Variants in TMEM135 observed in about 807,000 individuals in gnomAD.
TMEM135 encodes the protein peroxisomal membrane protein 52.
Under a neutral mutation model 60.3 loss-of-function variants are expected in TMEM135, and 30 were observed. The ratio of observed to expected loss-of-function variants is 0.50; its 90% CI spans 0.37 to 0.68. TMEM135 has a LOEUF of 0.68. TMEM135 is among the 30% of genes least tolerant of loss of function. The pLI is 0.00. For missense variants in TMEM135, 468 were observed against 548.8 expected (o/e 0.85, Z 1.47); for synonymous variants, 190 against 186.7 (o/e 1.02, Z -0.14).
chr11:87,171,003 G>A (rs1001148333), intron 5 of TMEM135, among the ~76,000 whole-genome samples: 2 of 152,088 alleles, frequency 1.3e-5, no homozygotes, highest in African/African-American at 2.4e-5. Context: ...AGCAAAGGGG[G>A]TACATCTTCA....
chr11:87,202,844 A>G (rs1341931637), intron 5 of TMEM135, among the ~76,000 whole-genome samples: 1 of 151,492 alleles, frequency 6.6e-6, no homozygotes, highest in Non-Finnish European at 1.5e-5. Flanking sequence ...CATCCTGGCT[A>G]ACACGGTGAA....
intron 5 of TMEM135, among the ~76,000 whole-genome samples, chr11:87,194,693 A>G (rs950073093): frequency 6.6e-6 from 1 of 152,118 alleles, no homozygotes; most frequent in African/African-American, 2.4e-5. Flanking sequence ...GTTGCTCTTC[A>G]TATTCTCTGT....
At position 87,318,195 on chromosome 11, in the gene TMEM135, C is replaced by T; in HGVS notation, c.1136C>T (p.Thr379Ile). 1 of 1,612,746 alleles carries T rather than the reference C, an allele frequency of 6.2e-7. No individual in the cohort carries two copies. Among genetic ancestry groups the T allele is most frequent in the South Asian group, 1.1e-5 (1 of 91,082 alleles). ...GKVPYFPHAD[T>I]IIYSISTAIC... The stretch of plus-strand genomic sequence containing the variant: ...GTTCCCTATTTTCCTCATGCAGATA[C>T]TATCATCTATTCCATCTCTACAGCA... The change falls in exon 13 of 15, where the codon ACT becomes ATT. Residue 379 changes from threonine (T) to isoleucine (I), a missense_variant. Physicochemically the swap from Thr to Ile is moderately conservative, Grantham distance 89. Transcript: ENST00000305494.
intron 3 of TMEM135, among the ~76,000 whole-genome samples, chr11:87,082,781 A>G (rs1857018265): frequency 6.6e-6 from 1 of 152,232 alleles, no homozygotes; most frequent in Admixed American, 6.5e-5. Flanking sequence ...TACGAGAAAG[A>G]GTAGAAGAAA....
Position 87,326,717 on chromosome 11 carries a change from A to G in TMEM135, c.*5384A>G, listed in dbSNP as rs1015714744. 2.9e-5 allele frequency: 13 copies of G among 447,622 alleles called. No homozygotes were observed. Among genetic ancestry groups the G allele is most frequent in the African/African-American group, 1.4e-4 (7 of 49,316 alleles). The allele number at this position is 447,622 out of a possible 1,614,324, so 27.7% of individuals were successfully genotyped here. A position where few individuals can be genotyped will look rare whatever the true frequency, so the allele number is the denominator to read the frequency against. On this transcript the variant is annotated 3_prime_UTR_variant, in exon 15 of 15. Coordinates refer to ENST00000305494, the MANE Select transcript of TMEM135 (RefSeq NM_022918.4). ...AAAAAACAGGAGTCCTTATTTTTCTATTTATTTCAGGGAAAATTGAAGGTA... is the reference window on the plus strand; with the variant it reads ...AAAAAACAGGAGTCCTTATTTTTCTGTTTATTTCAGGGAAAATTGAAGGTA...
chr11:87,169,468 C>T (rs1939167340), intron 5 of TMEM135, among the ~76,000 whole-genome samples: 1 of 151,660 alleles, frequency 6.6e-6, no homozygotes. Context: ...TTTAGTGCTT[C>T]CTTCAGGAGC....
rs1302751118 is a variant in TMEM135, at chr11:87,037,967, G to C, written c.-79G>C. The C allele has an allele frequency of 3.1e-6, 5 of 1,599,222 alleles. No individual in the cohort carries two copies. The highest frequency in any genetic ancestry group is 4.3e-6 in the Non-Finnish European group (5 of 1,174,440). On this transcript the variant is annotated 5_prime_UTR_variant, in exon 1 of 15. Transcript: ENST00000305494. ...CCTCCGAGTGCTGGCCGGGCGAGAG[G>C]CTGGCGGCTGGGCTCTCGCGCCCCT...
intron 6 of TMEM135, among the ~76,000 whole-genome samples, chr11:87,283,400 T>C (rs1195119177): frequency 6.6e-6 from 1 of 152,116 alleles, no homozygotes; most frequent in Non-Finnish European, 1.5e-5. Context: ...TTGTTTTTGC[T>C]CCATTACTAG....
In TMEM135 at chr11:87,038,193, C is replaced by A; in HGVS notation, c.141+7C>A. 1 of 1,614,034 alleles carries A rather than the reference C, an allele frequency of 6.2e-7. No individual in the cohort carries two copies. Among genetic ancestry groups the A allele is most frequent in the East Asian group, 2.2e-5 (1 of 44,832 alleles). ...CTATGCTCCTCTGTACTTGGTGAGA[C>A]CCGTCACCCGTCCCGCAGGGCGAGT... On this transcript the variant is annotated splice_region_variant and intron_variant, in intron 1 of 14. Coordinates refer to ENST00000305494, the MANE Select transcript of TMEM135 (RefSeq NM_022918.4).
chr11:87,314,598 G>GCTGC, intron 12 of TMEM135, 51 bp downstream of exon 12: 1 of 1,447,094 alleles, frequency 6.9e-7, no homozygotes. Context: ...AAAGCTTTTA[G>GCTGC]CTGCTGACTG....
intron 4 of TMEM135, among the ~76,000 whole-genome samples, chr11:87,128,724 A>G (rs1937809785): frequency 6.6e-6 from 1 of 152,210 alleles, no homozygotes; most frequent in Non-Finnish European, 1.5e-5. Context: ...CCAAACATGT[A>G]CACATCAACC....
intron 4 of TMEM135, among the ~76,000 whole-genome samples, chr11:87,119,270 G>A (rs1857978694): frequency 6.6e-6 from 1 of 152,202 alleles, no homozygotes; most frequent in Non-Finnish European, 1.5e-5. Flanking sequence ...AGGGAATAGG[G>A]AGACCTGAGG....
intron 5 of TMEM135, among the ~76,000 whole-genome samples, chr11:87,222,113 C>T (rs1261770263): frequency 2.5e-5 from 3 of 120,172 alleles, no homozygotes; most frequent in African/African-American, 6.4e-5. Context: ...ACCCGGGGGG[C>T]GGAGCTTGCA....
chr11:87,283,316 A>C (rs1165275832), intron 6 of TMEM135, among the ~76,000 whole-genome samples: 1 of 151,070 alleles, frequency 6.6e-6, no homozygotes, highest in Non-Finnish European at 1.5e-5. Flanking sequence ...CTGGGCAACA[A>C]GAGTGAAATT....
chr11:87,241,215 T>C (rs769971817), intron 6 of TMEM135, among the ~76,000 whole-genome samples: 1 of 152,104 alleles, frequency 6.6e-6, no homozygotes, highest in Non-Finnish European at 1.5e-5. Flanking sequence ...CTTGAACATC[T>C]TTATATAAAC....
chr11:87,326,911 C>CTTTTTTTT lies in TMEM135; in HGVS notation c.*5590_*5597dup. 5.1e-6 allele frequency: 2 copies of CTTTTTTTT among 391,614 alleles called. No homozygotes were observed. Among genetic ancestry groups the CTTTTTTTT allele is most frequent in the Admixed American group, 3.4e-5 (1 of 29,794 alleles). The allele number at this position is 391,614 out of a possible 1,614,324, so 24.3% of individuals were successfully genotyped here. A position where few individuals can be genotyped will look rare whatever the true frequency, so the allele number is the denominator to read the frequency against. On this transcript the variant is annotated 3_prime_UTR_variant, in exon 15 of 15. Transcript: ENST00000305494. Reference sequence around the variant, plus strand: ...AGGCATCATTGAATCATCTGAGGACCTTTTTTTTTTTTTTTTTTTCACTAA... The same window carrying CTTTTTTTT: ...AGGCATCATTGAATCATCTGAGGACCTTTTTTTTTTTTTTTTTTTTTTTTTTTCACTAA...
chr11:87,185,706 C>T (rs1264730369), intron 5 of TMEM135, among the ~76,000 whole-genome samples: 1 of 152,076 alleles, frequency 6.6e-6, no homozygotes, highest in Non-Finnish European at 1.5e-5. Context: ...TAAAGGGAAA[C>T]TTGTATTCTT....
Position 87,326,205 on chromosome 11 carries a change from G to T in TMEM135, c.*4872G>T, listed in dbSNP as rs182309811. On this transcript the variant is annotated 3_prime_UTR_variant, in exon 15 of 15. Coordinates refer to ENST00000305494, the MANE Select transcript of TMEM135 (RefSeq NM_022918.4). ...ACCGTGGATAATAGGATGTTCCCTGGTCTTGGCATAGAGGCCATAGGCATA... is the reference window on the plus strand; with the variant it reads ...ACCGTGGATAATAGGATGTTCCCTGTTCTTGGCATAGAGGCCATAGGCATA... The T allele has an allele frequency of 2.2e-6, 1 of 453,842 alleles. No individual in the cohort carries two copies. Among genetic ancestry groups the T allele is most frequent in the African/African-American group, 2.0e-5 (1 of 50,010 alleles). 28.1% of individuals were successfully genotyped at this position (453,842 alleles called of 1,614,324 possible). A position where few individuals can be genotyped will look rare whatever the true frequency, so the allele number is the denominator to read the frequency against.
At chr11:87,158,762 C>T (rs1938778677) in intron 5 of TMEM135, among the ~76,000 whole-genome samples, 1 of 152,136 alleles carries the variant, frequency 6.6e-6, no homozygotes, top group Admixed American at 6.5e-5. Flanking sequence ...CCGCGCCCGG[C>T]CTAACCTTGG....
Sources: allele counts gnomAD v4.1 joint callset (sites outside exome capture counted in the v4.1 genomes callset), GRCh38; gene constraint gnomAD v4.1.1; transcripts MANE v1.5; gene names NCBI Gene and HGNC (gene_info 2026-07-23, HGNC 2026-07-21).